The following MTMR9 variants were observed in gnomAD, a reference collection of about 807,000 sequenced individuals.
The protein encoded by MTMR9 is myotubularin related protein 9, also known as myotubularin-related protein 9.
MTMR9 carries 39 observed loss-of-function variants against 69.5 expected under a neutral mutation model. The ratio of observed to expected loss-of-function variants is 0.56; its 90% CI spans 0.43 to 0.73. MTMR9 has a LOEUF of 0.73. Ranked by LOEUF, MTMR9 falls within the 30% of genes least tolerant of loss-of-function variation. MTMR9 has a pLI of 0.00. For missense variants in MTMR9, 900 were observed against 671.2 expected, an observed-to-expected ratio of 1.34 and a Z score of -3.77; for synonymous variants, 354 against 240.8, an observed-to-expected ratio of 1.47 and a Z score of -4.35.
chr8:11,306,044 A>C, intron 4 of MTMR9, 146 bp from the exon 5 acceptor site: 1 of 659,924 alleles, frequency 1.5e-6, no homozygotes, highest in Non-Finnish European at 2.6e-6. Flanking sequence ...CAATACATGC[A>C]AATATTTCTT....
chr8:11,291,141 C>A (rs1401937438), intron 1 of MTMR9, among the ~76,000 whole-genome samples: 1 of 152,048 alleles, frequency 6.6e-6, no homozygotes, highest in African/African-American at 2.4e-5. Flanking sequence ...AGACTTTATA[C>A]AATTTTCATA....
downstream of MTMR9, chr8:11,331,671 A>C: frequency 6.2e-7 from 1 of 1,611,822 alleles, no homozygotes. Context: ...AGGTGTCTAC[A>C]CCACCCTGGG....
intron 4 of MTMR9, 53 bp from the exon 5 acceptor site, chr8:11,306,137 C>G (rs1799929657): frequency 6.6e-7 from 1 of 1,513,942 alleles, no homozygotes; most frequent in Non-Finnish European, 9.1e-7. Context: ...TTTCTGTTTT[C>G]AGAAACTTTA....
chr8:11,303,855 G>A (rs1799838952), intron 3 of MTMR9, among the ~76,000 whole-genome samples: 1 of 151,988 alleles, frequency 6.6e-6, no homozygotes, highest in Non-Finnish European at 1.5e-5. Flanking sequence ...TTTTTAAACT[G>A]GTAACATAAA....
downstream of MTMR9, chr8:11,331,390 TG>T: frequency 1.2e-6 from 2 of 1,613,966 alleles, no homozygotes; most frequent in Non-Finnish European, 8.5e-7. Context: ...GACCCCCTTC[TG>T]GGACCTCCTG....
At chr8:11,335,353 C>G in the MTMR9 span, among the ~76,000 whole-genome samples, 1 of 152,136 alleles carries the variant, frequency 6.6e-6, no homozygotes, top group Non-Finnish European at 1.5e-5. Context: ...AGATATAAAT[C>G]TAACAAAATA....
At chr8:11,330,290 G>C (rs1383966483), downstream of MTMR9, among the ~76,000 whole-genome samples, 3 of 151,318 alleles carry the variant, frequency 2.0e-5, no homozygotes, top group East Asian at 6.0e-4. Context: ...CCGGGAGGGA[G>C]GTGGGGGGTC....
intron 1 of MTMR9, among the ~76,000 whole-genome samples, chr8:11,285,971 G>T (rs2409753): frequency 0.98 from 131,933 of 134,692 alleles, 64,653 homozygotes; most frequent in Non-Finnish European, 0.99. Flanking sequence ...TTTTTTTTTT[G>T]GAGACGAAAT....
chr8:11,285,971 G>GTTTTTTTTTTTTTTTTTTTTTTT (rs1799141112), intron 1 of MTMR9, among the ~76,000 whole-genome samples: 1 of 134,784 alleles, frequency 7.4e-6, no homozygotes, highest in Non-Finnish European at 1.5e-5. Context: ...TTTTTTTTTT[G>GTTTTTTTTTTTTTTTTTTTTTTT]GAGACGAAAT....
downstream of MTMR9, among the ~76,000 whole-genome samples, chr8:11,330,557 T>C (rs1801172826): frequency 6.6e-6 from 1 of 152,202 alleles, no homozygotes; most frequent in African/African-American, 2.4e-5. Context: ...GGAGACTTCA[T>C]TTTGTTCTGT....
At chr8:11,330,983 T>A, downstream of MTMR9, 1 of 1,454,906 alleles carries the variant, frequency 6.9e-7, no homozygotes, top group Non-Finnish European at 9.1e-7. Flanking sequence ...AAAATAGGCG[T>A]GCTACCACCT....
At chr8:11,290,597 C>G (rs1173297141) in intron 1 of MTMR9, among the ~76,000 whole-genome samples, 1 of 152,066 alleles carries the variant, frequency 6.6e-6, no homozygotes, top group African/African-American at 2.4e-5. Context: ...ATTTTTAGGT[C>G]TTTAATTTGG....
At chr8:11,301,094 G>T (rs1314658380) in intron 3 of MTMR9, among the ~76,000 whole-genome samples, 2 of 152,164 alleles carry the variant, frequency 1.3e-5, no homozygotes, top group Non-Finnish European at 2.9e-5. Flanking sequence ...TAAAGTGGCA[G>T]TTCTCCCTTA....
chr8:11,339,392 T>G, the MTMR9 span, among the ~76,000 whole-genome samples: 2 of 152,242 alleles, frequency 1.3e-5, no homozygotes, highest in South Asian at 4.1e-4. Flanking sequence ...AATTATTCAT[T>G]CTCTATCACA....
chr8:11,295,052 C>T (rs1318593163), intron 1 of MTMR9, 142 bp from the exon 2 acceptor site: 3 of 511,432 alleles, frequency 5.9e-6, no homozygotes, highest in Non-Finnish European at 1.0e-5. Context: ...ATGATGCAGC[C>T]TTGCTTCTTC....
chr8:11,306,446 GCTAA>G, intron 5 of MTMR9, 39 bp downstream of exon 5: 2 of 1,572,006 alleles, frequency 1.3e-6, no homozygotes, highest in South Asian at 2.2e-5. Context: ...CTTATTAGAA[GCTAA>G]TTATAGTGGG....
At chr8:11,336,178 A>G in the MTMR9 span, among the ~76,000 whole-genome samples, 2 of 152,200 alleles carry the variant, frequency 1.3e-5, no homozygotes, top group Non-Finnish European at 2.9e-5. Context: ...GCTCAGCATT[A>G]GATTCTGGTG....
downstream of MTMR9, among the ~76,000 whole-genome samples, chr8:11,330,141 G>A (rs1383703509): frequency 6.6e-6 from 1 of 151,646 alleles, no homozygotes; most frequent in Non-Finnish European, 1.5e-5. Context: ...AGCCCCGTCC[G>A]GGAGGGAGGT....
chr8:11,335,192 T>C, the MTMR9 span, among the ~76,000 whole-genome samples: 1 of 152,232 alleles, frequency 6.6e-6, no homozygotes, highest in Non-Finnish European at 1.5e-5. Context: ...AACCATAATC[T>C]CCTAGAACTA....
Sources: allele counts gnomAD v4.1 joint callset (sites outside exome capture counted in the v4.1 genomes callset), GRCh38; gene constraint gnomAD v4.1.1; transcripts MANE v1.5; gene names NCBI Gene and HGNC (gene_info 2026-07-23, HGNC 2026-07-21).